Variants in DAB1 observed in about 807,000 individuals in gnomAD.
DAB1 encodes DAB adaptor protein 1.
DAB1 carries 15 observed loss-of-function variants against 64.6 expected under a neutral mutation model. That is an observed-to-expected ratio of 0.23 (90% CI 0.16 to 0.36). The LOEUF (loss-of-function observed/expected upper bound fraction) is 0.36, where lower values mean the gene tolerates loss of function less well. DAB1 is among the 10% of genes least tolerant of loss of function. The pLI is 1.00. For missense variants in DAB1, 596 were observed against 706.7 expected (o/e 0.84, Z 1.78); for synonymous variants, 235 against 251.9 (o/e 0.93, Z 0.64).
chr1:58,194,301 A>T (rs1390603690), intron 4 of DAB1, among the ~76,000 whole-genome samples: 2 of 152,232 alleles, frequency 1.3e-5, no homozygotes, highest in African/African-American at 2.4e-5. Flanking sequence ...GGCCTCTCTG[A>T]GCCTATAAAA....
chr1:58,019,865 T>C (rs1646791996), intron 5 of DAB1, among the ~76,000 whole-genome samples: 1 of 152,240 alleles, frequency 6.6e-6, no homozygotes, highest in South Asian at 2.1e-4. Context: ...TAATCCTTTC[T>C]ATTCTGAGAA....
intron 6 of DAB1, among the ~76,000 whole-genome samples, chr1:57,721,772 G>A (rs538656894): frequency 4.0e-4 from 61 of 152,284 alleles, no homozygotes; most frequent in East Asian, 3.1e-3. Flanking sequence ...AGTGAGGAGC[G>A]TTCGGCATGC....
chr1:58,214,545 G>T (rs568977308), intron 4 of DAB1, among the ~76,000 whole-genome samples: 1 of 152,240 alleles, frequency 6.6e-6, no homozygotes, highest in East Asian at 1.9e-4. Context: ...TTGGACATCT[G>T]GTGAAATGAG....
chr1:57,065,737 G>A (rs890381853), intron 8 of DAB1, among the ~76,000 whole-genome samples: 1 of 152,126 alleles, frequency 6.6e-6, no homozygotes, highest in African/African-American at 2.4e-5. Flanking sequence ...CAGAAGACTG[G>A]TAGTTCCAAA....
chr1:58,406,561 T>C (rs1347963685), intron 3 of DAB1, among the ~76,000 whole-genome samples: 1 of 152,180 alleles, frequency 6.6e-6, no homozygotes, highest in Non-Finnish European at 1.5e-5. Context: ...GATGGGATAA[T>C]TGCACTAGAA....
At chr1:57,682,062 A>G (rs567394374) in intron 6 of DAB1, among the ~76,000 whole-genome samples, 102 of 152,280 alleles carry the variant, frequency 6.7e-4, no homozygotes, top group African/African-American at 2.4e-3. Context: ...AGGGGTGATT[A>G]GAGAGCTGAG....
intron 9 of DAB1, 106 bp downstream of exon 9, chr1:57,062,778 G>A: frequency 2.2e-6 from 2 of 906,404 alleles, no homozygotes; most frequent in South Asian, 1.5e-5. Context: ...AACATGTGGG[G>A]CCATGACACT....
At chr1:57,196,003 G>A (rs1287169978) in intron 2 of DAB1, among the ~76,000 whole-genome samples, 1 of 152,086 alleles carries the variant, frequency 6.6e-6, no homozygotes, top group African/African-American at 2.4e-5. Flanking sequence ...TAAAGCAACA[G>A]AAAGCAGTCA....
At chr1:58,174,099 C>T (rs1656326217) in intron 4 of DAB1, among the ~76,000 whole-genome samples, 1 of 152,152 alleles carries the variant, frequency 6.6e-6, no homozygotes, top group African/African-American at 2.4e-5. Context: ...CCTAGACCTC[C>T]TCACTGCTGA....
chr1:58,435,278 T>C (rs940347411), intron 3 of DAB1, among the ~76,000 whole-genome samples: 1 of 152,152 alleles, frequency 6.6e-6, no homozygotes, highest in Non-Finnish European at 1.5e-5. Flanking sequence ...AGCCTTTCTG[T>C]CTCTGTCTCT....
At chr1:57,427,302 AG>A (rs1232121861), upstream of DAB1, among the ~76,000 whole-genome samples, 1 of 152,230 alleles carries the variant, frequency 6.6e-6, no homozygotes, top group Non-Finnish European at 1.5e-5. Flanking sequence ...GCACTGTGGT[AG>A]GCATTGGGAA....
intron 6 of DAB1, among the ~76,000 whole-genome samples, chr1:57,812,356 G>C (rs924957138): frequency 4.1e-5 from 6 of 147,374 alleles, no homozygotes; most frequent in African/African-American, 1.5e-4. Context: ...AGAAAGAAAA[G>C]AAAGAAAGAA....
At chr1:58,112,800 A>G (rs1652050568) in intron 5 of DAB1, among the ~76,000 whole-genome samples, 2 of 152,282 alleles carry the variant, frequency 1.3e-5, no homozygotes, top group South Asian at 2.1e-4. Flanking sequence ...ACATGCTCCT[A>G]AAGTACATGA....
chr1:57,869,508 G>A (rs940545225), intron 1 of DAB1, among the ~76,000 whole-genome samples: 2 of 151,986 alleles, frequency 1.3e-5, no homozygotes, highest in African/African-American at 4.8e-5. Context: ...AGGAGAAGAA[G>A]CCTACTCTGA....
chr1:57,139,716 T>G (rs1410577483), intron 3 of DAB1, among the ~76,000 whole-genome samples: 1 of 152,104 alleles, frequency 6.6e-6, no homozygotes, highest in African/African-American at 2.4e-5. Flanking sequence ...CAAATAGCAA[T>G]TAATTCCTAG....
At chr1:57,606,803 G>GAGAA (rs1645659447) in intron 7 of DAB1, among the ~76,000 whole-genome samples, 1 of 144,384 alleles carries the variant, frequency 6.9e-6, no homozygotes, top group South Asian at 2.1e-4. Context: ...TATAGAGAGA[G>GAGAA]AGAGAGACAG....
chr1:57,674,697 C>G (rs930913234), intron 6 of DAB1, among the ~76,000 whole-genome samples: 86 of 152,246 alleles, frequency 5.6e-4, no homozygotes, highest in African/African-American at 2.0e-3. Flanking sequence ...TCCTCAGTCA[C>G]CAATATAAAT....
At chr1:57,828,840 G>C (rs763486523) in intron 1 of DAB1, among the ~76,000 whole-genome samples, 5 of 152,146 alleles carry the variant, frequency 3.3e-5, no homozygotes, top group Non-Finnish European at 7.3e-5. Context: ...AAAAGGCTGA[G>C]AGGAAAAGAT....
chr1:57,015,831 C>A (rs111274786), intron 11 of DAB1, among the ~76,000 whole-genome samples: 103 of 152,314 alleles, frequency 6.8e-4, no homozygotes, highest in Middle Eastern at 6.8e-3. Context: ...ATTGCATAAG[C>A]TCTCTAAGAG....
Sources: allele counts gnomAD v4.1 joint callset (sites outside exome capture counted in the v4.1 genomes callset), GRCh38; gene constraint gnomAD v4.1.1; transcripts MANE v1.5; gene names NCBI Gene and HGNC (gene_info 2026-07-23, HGNC 2026-07-21).